Variants in GRM7 observed in about 807,000 individuals in gnomAD.
The protein encoded by GRM7 is metabotropic glutamate receptor 7.
In GRM7, 35 loss-of-function variants were observed where a neutral mutation model predicts 84.5. The ratio of observed to expected loss-of-function variants is 0.41; its 90% CI spans 0.32 to 0.55. The LOEUF (loss-of-function observed/expected upper bound fraction) is 0.55. GRM7 is among the 20% of genes least tolerant of loss of function. GRM7 has a pLI of 0.19. For missense variants in GRM7, 1,003 were observed against 1,194.6 expected (o/e 0.84, Z 2.36); for synonymous variants, 487 against 455.1 (o/e 1.07, Z -0.89).
At chr3:7,667,227 C>G (rs1173649380) in intron 8 of GRM7, among the ~76,000 whole-genome samples, 8 of 150,350 alleles carry the variant, frequency 5.3e-5, no homozygotes, top group African/African-American at 1.7e-4. Context: ...ATGATCCTAC[C>G]ACTGCACTCC....
At chr3:7,285,516 A>G (rs1699400957) in intron 2 of GRM7, among the ~76,000 whole-genome samples, 1 of 152,126 alleles carries the variant, frequency 6.6e-6, no homozygotes, top group Non-Finnish European at 1.5e-5. Context: ...AGAGCGCAAA[A>G]TGATAAATTA....
At position 7,642,010 on chromosome 3, in the gene GRM7, G is replaced by A. The variant is rs77460770; in HGVS notation, c.2452-38039G>A. Among the ~76,000 whole-genome samples the A allele has an allele frequency of 7.2e-5, 11 of 152,052 alleles. No homozygotes were observed. In the East Asian group the frequency reaches 1.4e-3, roughly 19 times the overall value. On this transcript the variant is annotated intron_variant, in intron 8 of 9. Coordinates refer to ENST00000357716, the MANE Select transcript of GRM7 (RefSeq NM_000844.4). ...AGTGAGTAAATACATCGTACCACCT[G>A]TTTCCTACTGCATAGCTTTTCTGCA... is the stretch of plus-strand genomic sequence containing the variant.
chr3:7,040,051 C>A (rs1696537880), intron 1 of GRM7, among the ~76,000 whole-genome samples: 1 of 152,176 alleles, frequency 6.6e-6, no homozygotes, highest in South Asian at 2.1e-4. Context: ...TATACCATAA[C>A]CCATAGCCCT....
At chr3:7,280,313 A>G (rs2124994336) in intron 2 of GRM7, among the ~76,000 whole-genome samples, 1 of 152,332 alleles carries the variant, frequency 6.6e-6, no homozygotes, top group South Asian at 2.1e-4. Flanking sequence ...TTCTTGTCAT[A>G]CTTTTTGTGT....
At chr3:7,172,602 G>A (rs1414883133) in intron 2 of GRM7, among the ~76,000 whole-genome samples, 1 of 125,638 alleles carries the variant, frequency 8.0e-6, no homozygotes, top group African/African-American at 3.1e-5. Context: ...CCCAAAAATG[G>A]CATCATTGCA....
intron 2 of GRM7, among the ~76,000 whole-genome samples, chr3:7,271,016 T>C (rs1462145955): frequency 6.6e-6 from 1 of 152,158 alleles, no homozygotes; most frequent in Non-Finnish European, 1.5e-5. Flanking sequence ...TGGCTGTCTG[T>C]CTCAAGATTA....
chr3:7,172,743 A>T (rs1695026499), intron 2 of GRM7, among the ~76,000 whole-genome samples: 1 of 152,150 alleles, frequency 6.6e-6, no homozygotes, highest in Non-Finnish European at 1.5e-5. Flanking sequence ...TTGAAGGATT[A>T]CATCCAGTGG....
At chr3:6,908,678 C>A (rs1196594504) in intron 1 of GRM7, among the ~76,000 whole-genome samples, 1 of 152,076 alleles carries the variant, frequency 6.6e-6, no homozygotes, top group Non-Finnish European at 1.5e-5. Context: ...AAGACTATGG[C>A]AAGAGTAATC....
At chr3:7,542,360 C>T (rs1692922418) in intron 7 of GRM7, among the ~76,000 whole-genome samples, 1 of 152,152 alleles carries the variant, frequency 6.6e-6, no homozygotes, top group South Asian at 2.1e-4. Flanking sequence ...GGTCTTTAAA[C>T]CTGCTGCTCT....
rs562450222 is a variant in GRM7 at position 7,043,601 on chromosome 3, C to A, written c.520-102851C>A. On this transcript the variant is annotated intron_variant, in intron 1 of 9. Transcript: ENST00000357716. ...TATAATCTGGTGTTTGTTGCTCCAT[C>A]TTGGCCAGAAGCAGAAATAGTGCAT... Among the ~76,000 whole-genome samples, 8 of 152,280 alleles carry A rather than the reference C, an allele frequency of 5.3e-5. No homozygotes were observed. In the South Asian group the frequency reaches 1.7e-3, roughly 32 times the overall value.
chr3:7,134,424 T>A (rs1693705188), intron 1 of GRM7, among the ~76,000 whole-genome samples: 1 of 137,670 alleles, frequency 7.3e-6, no homozygotes, highest in Non-Finnish European at 1.6e-5. Context: ...AAAATCATCA[T>A]CATCGTCATC....
rs192970447 is a variant in GRM7, at chr3:6,959,616, T to C, written c.519+97709T>C. Among the ~76,000 whole-genome samples, 3 of 152,276 alleles carry C rather than the reference T, an allele frequency of 2.0e-5. No individual in the cohort carries two copies. In the East Asian group the frequency reaches 5.8e-4, roughly 30 times the overall value. The stretch of plus-strand genomic sequence containing the variant: ...CAATATATTACCCCATCTGACCTCA[T>C]TAAGGGTTGCAGTTACCATGTTTAG... On this transcript the variant is annotated intron_variant, in intron 1 of 9. Coordinates refer to ENST00000357716, the MANE Select transcript of GRM7 (RefSeq NM_000844.4).
intron 1 of GRM7, among the ~76,000 whole-genome samples, chr3:7,013,297 G>A (rs1695449287): frequency 6.6e-6 from 1 of 152,072 alleles, no homozygotes; most frequent in Non-Finnish European, 1.5e-5. Context: ...AGGTAAGGGT[G>A]TAAGAAAAAA....
Position 6,862,334 on chromosome 3 carries a change from C to T in GRM7, c.519+427C>T, listed in dbSNP as rs1033593051. 6.6e-6 allele frequency among the ~76,000 whole-genome samples: 1 copy of T among 152,016 alleles called. No homozygotes were observed. The highest frequency in any genetic ancestry group is 1.5e-5 in the Non-Finnish European group (1 of 68,000). On this transcript the variant is annotated intron_variant, in intron 1 of 9. Coordinates refer to ENST00000357716, the MANE Select transcript of GRM7 (RefSeq NM_000844.4). The surrounding 1 kb of genome is among the most constrained non-coding windows in gnomAD (Gnocchi z 5.2). Reference sequence around the variant, plus strand: ...GGCATTTCCCAACTCCCCAGCTTCCCACCCCCAAGCCAGCCTGCCAACCTG... The same window carrying T: ...GGCATTTCCCAACTCCCCAGCTTCCTACCCCCAAGCCAGCCTGCCAACCTG...
At chr3:7,329,259 T>A (rs768075314) in intron 4 of GRM7, among the ~76,000 whole-genome samples, 3 of 152,184 alleles carry the variant, frequency 2.0e-5, no homozygotes, top group Non-Finnish European at 4.4e-5. Context: ...CCCAAGGTGC[T>A]CATTCTAGTA....
At chr3:6,924,554 G>C (rs1697234201) in intron 1 of GRM7, among the ~76,000 whole-genome samples, 1 of 152,106 alleles carries the variant, frequency 6.6e-6, no homozygotes, top group African/African-American at 2.4e-5. Flanking sequence ...TGAAGATTGA[G>C]AACTCTACAT....
intron 1 of GRM7, among the ~76,000 whole-genome samples, chr3:6,970,599 C>T (rs1383099808): frequency 2.6e-5 from 4 of 152,034 alleles, no homozygotes; most frequent in African/African-American, 7.2e-5. Flanking sequence ...CGTAGCTGGA[C>T]GTTATCTCTT....
chr3:7,063,945 T>G (rs1176483989), intron 1 of GRM7, among the ~76,000 whole-genome samples: 1 of 151,684 alleles, frequency 6.6e-6, no homozygotes, highest in Non-Finnish European at 1.5e-5. Context: ...AATGAAAATT[T>G]AATTCGTGTA....
intron 1 of GRM7, among the ~76,000 whole-genome samples, chr3:6,959,002 G>A (rs1014822041): frequency 2.6e-5 from 4 of 152,166 alleles, no homozygotes; most frequent in African/African-American, 7.2e-5. Flanking sequence ...GATGTCCAGG[G>A]GCATATGGCC....
Sources: allele counts gnomAD v4.1 joint callset (sites outside exome capture counted in the v4.1 genomes callset), GRCh38; gene constraint gnomAD v4.1.1; non-coding constraint Gnocchi (gnomAD v3.1); transcripts MANE v1.5; gene names NCBI Gene and HGNC (gene_info 2026-07-23, HGNC 2026-07-21).